LAMB4: variants seen among roughly 807,000 people sequenced by gnomAD.
LAMB4 encodes laminin subunit beta 4, also known as laminin subunit beta-4.
Under a neutral mutation model 199.2 loss-of-function variants are expected in LAMB4, and 196 were observed. The ratio of observed to expected loss-of-function variants is 0.98; its 90% confidence interval spans 0.88 to 1.11. The LOEUF is 1.11. Among genes scored for constraint, LAMB4 ranks in the 50% least tolerant of loss-of-function variants. The probability of loss-of-function intolerance (pLI) is 0.00; values close to 1 mark genes in which losing one functional copy is unlikely to be tolerated. For synonymous variants in LAMB4, 744 were observed against 770.6 expected (o/e 0.97, Z 0.57); for missense variants, 2,080 against 2,171.2 (o/e 0.96, Z 0.83).
intron 33 of LAMB4, chr7:108,026,814 A>G: frequency 4.1e-6 from 2 of 483,954 alleles, no homozygotes; most frequent in South Asian, 3.1e-5. Flanking sequence ...ACAGAGAGGA[A>G]CAGGCACAGC....
At chr7:108,029,003 GTTA>G in intron 33 of LAMB4, 37 bp downstream of exon 33, 1 of 1,575,392 alleles carries the variant, frequency 6.3e-7, no homozygotes, top group Non-Finnish European at 8.7e-7. Context: ...GTACCATGAT[GTTA>G]TTATCAAATT....
chr7:108,044,469 C>T (rs956029089), intron 28 of LAMB4, among the ~76,000 whole-genome samples: 1 of 152,134 alleles, frequency 6.6e-6, no homozygotes, highest in African/African-American at 2.4e-5. Flanking sequence ...AATAGGCTAG[C>T]AAACTAGAAG....
In LAMB4 at chr7:108,055,975, G is replaced by A; in HGVS notation, c.3412C>T (p.Pro1138Ser). Residue 1138 changes from proline to serine, a missense_variant, in exon 25 of 34, where the codon CCC (proline) becomes TCC (serine). Coordinates refer to ENST00000388781, the MANE Select transcript of LAMB4 (RefSeq NM_007356.3). ...ATGCCTGTGTCTGGATCACAGATGGGCTTCTGGGTACCTGCCCTGTTACAA... is the reference window on the plus strand; with the variant it reads ...ATGCCTGTGTCTGGATCACAGATGGACTTCTGGGTACCTGCCCTGTTACAA... ...CDCNRAGTQK[P>S]ICDPDTGMCR... 3 of 1,613,828 alleles carry A rather than the reference G, an allele frequency of 1.9e-6. No individual in the cohort carries two copies. Among genetic ancestry groups the A allele is most frequent in the Non-Finnish European group, 2.5e-6 (3 of 1,179,818 alleles).
chr7:108,062,028 T>A (rs961052164), intron 23 of LAMB4, among the ~76,000 whole-genome samples: 1 of 152,250 alleles, frequency 6.6e-6, no homozygotes, highest in South Asian at 2.1e-4. Context: ...GTTTTTACCC[T>A]TTCTCCCCCA....
intron 25 of LAMB4, among the ~76,000 whole-genome samples, chr7:108,053,894 G>A (rs2035901079): frequency 1.3e-5 from 2 of 152,200 alleles, no homozygotes; most frequent in African/African-American, 4.8e-5. Context: ...CTTCTTACAA[G>A]TGCTATTGGA....
At chr7:108,029,905 G>T (rs2034971214) in intron 32 of LAMB4, among the ~76,000 whole-genome samples, 1 of 152,032 alleles carries the variant, frequency 6.6e-6, no homozygotes, top group African/African-American at 2.4e-5. Context: ...GGATCATGAG[G>T]TTAGGAGATT....
At chr7:108,126,955 A>C (rs1003813714) in intron 1 of LAMB4, among the ~76,000 whole-genome samples, 5 of 152,044 alleles carry the variant, frequency 3.3e-5, no homozygotes, top group African/African-American at 1.2e-4. Flanking sequence ...CCTCAAACTA[A>C]TTAAGGCAGA....
intron 31 of LAMB4, 73 bp downstream of exon 31, chr7:108,034,135 G>T: frequency 1.5e-6 from 2 of 1,376,274 alleles, no homozygotes; most frequent in Admixed American, 1.7e-5. Flanking sequence ...CATAGCATTG[G>T]CATACATAAA....
Position 108,037,433 on chromosome 7 carries a change from T to C in LAMB4, c.4634A>G (p.Glu1545Gly). The C allele has an allele frequency of 6.2e-7, 1 of 1,614,224 alleles. No homozygotes were observed. The highest frequency in any genetic ancestry group is 8.5e-7 in the Non-Finnish European group (1 of 1,180,038). ...YRTDENRLNE[E>G]ADGAQKLLVK... is the part of the protein sequence containing the mutation. ...CAAAAGCTTTTGGGCTCCATCTGCTTCTTCATTTAACCTGTTTTCATCTGT... is the reference window on the plus strand; with the variant it reads ...CAAAAGCTTTTGGGCTCCATCTGCTCCTTCATTTAACCTGTTTTCATCTGT... Residue 1545 changes from glutamate (E) to glycine (G), a missense_variant, in exon 30 of 34, where the codon GAA becomes GGA. Transcript: ENST00000388781.
At chr7:108,102,406 A>G (rs2037845047) in intron 10 of LAMB4, among the ~76,000 whole-genome samples, 1 of 152,202 alleles carries the variant, frequency 6.6e-6, no homozygotes, top group Non-Finnish European at 1.5e-5. Context: ...GAAAAAAATC[A>G]TGATAATGCA....
intron 30 of LAMB4, among the ~76,000 whole-genome samples, chr7:108,036,251 G>A (rs1435197024): frequency 5.9e-5 from 9 of 151,394 alleles, no homozygotes; most frequent in Admixed American, 2.0e-4. Flanking sequence ...GTGCAACGGC[G>A]CAATCTTGGC....
intron 14 of LAMB4, among the ~76,000 whole-genome samples, chr7:108,081,584 CCAGA>C (rs1284041152): frequency 6.6e-6 from 1 of 152,146 alleles, no homozygotes; most frequent in Non-Finnish European, 1.5e-5. Flanking sequence ...ATAATTAATG[CCAGA>C]CAGTTTACCT....
Position 108,063,778 on chromosome 7 carries a change from A to AGG in LAMB4, c.3042_3043dup (p.Leu1015ProfsTer16). The AGG allele has an allele frequency of 6.2e-7, 1 of 1,614,034 alleles. No homozygotes were observed. Among genetic ancestry groups the AGG allele is most frequent in the Non-Finnish European group, 8.5e-7 (1 of 1,179,920 alleles). On this transcript the variant is annotated frameshift_variant, in exon 22 of 34. Transcript: ENST00000388781. LOFTEE classifies it high-confidence loss of function. ...AGACTTACTTCTGCAGGTCTGATTG[A>AGG]GGGCTGATCCATAGTGACCTGGTTT...
chr7:108,118,044 T>G (rs2038469479), intron 2 of LAMB4, among the ~76,000 whole-genome samples: 1 of 152,214 alleles, frequency 6.6e-6, no homozygotes, highest in Non-Finnish European at 1.5e-5. Context: ...CCCAGTAGGT[T>G]TCAGCCTCAT....
intron 14 of LAMB4, among the ~76,000 whole-genome samples, chr7:108,090,757 A>G (rs2037367412): frequency 6.6e-6 from 1 of 152,172 alleles, no homozygotes; most frequent in South Asian, 2.1e-4. Flanking sequence ...TTTTTCAGTC[A>G]CCATCATAAA....
intron 33 of LAMB4, among the ~76,000 whole-genome samples, chr7:108,026,272 C>T (rs2034835158): frequency 6.6e-6 from 1 of 152,194 alleles, no homozygotes; most frequent in Non-Finnish European, 1.5e-5. Context: ...TACCCCCACG[C>T]CCCCGAATCT....
At chr7:108,036,212 G>A (rs1028186184) in intron 30 of LAMB4, among the ~76,000 whole-genome samples, 11 of 147,838 alleles carry the variant, frequency 7.4e-5, no homozygotes, top group African/African-American at 2.1e-4. Flanking sequence ...TTTTTGAGAC[G>A]GAGTTTCGAT....
At chr7:108,044,317 A>G (rs954329784) in intron 28 of LAMB4, 1 of 153,816 alleles carries the variant, frequency 6.5e-6, no homozygotes, top group African/African-American at 2.4e-5. Flanking sequence ...TCTTCTAAAC[A>G]TTCCTCAAAT....
rs142658958 is a variant in LAMB4 at position 108,075,829 on chromosome 7, G to A, written c.2124+1115C>T. The stretch of plus-strand genomic sequence containing the variant: ...ACAAAAATTAGCCAGGTGTGGTGGC[G>A]GGTGCCTGTAATCCCAGCTACTCGG... On this transcript the variant is annotated intron_variant, in intron 17 of 33. Transcript: ENST00000388781. The A allele has an allele frequency of 6.4e-3, 1,021 of 158,406 alleles. 10 individuals carry two copies. The highest frequency in any genetic ancestry group is 0.023 in the African/African-American group (962 of 41,606). The allele number at this position is 158,406 out of a possible 1,614,324, so 9.8% of individuals were successfully genotyped here.
Sources: allele counts gnomAD v4.1 joint callset (sites outside exome capture counted in the v4.1 genomes callset), GRCh38; gene constraint gnomAD v4.1.1; transcripts MANE v1.5; gene names NCBI Gene and HGNC (gene_info 2026-07-23, HGNC 2026-07-21).